The following GALNTL6 variants were observed in gnomAD, a reference collection of about 807,000 sequenced individuals.
The protein encoded by GALNTL6 is polypeptide N-acetylgalactosaminyltransferase-like 6.
GALNTL6 carries 46 observed loss-of-function variants against 73.7 expected under a neutral mutation model. That is an observed-to-expected ratio of 0.62 (90% CI 0.49 to 0.80). GALNTL6 has a LOEUF of 0.80. Among genes scored for constraint, GALNTL6 ranks in the 30% least tolerant of loss-of-function variants. The probability of loss-of-function intolerance (pLI) is 0.00; values close to 1 mark genes in which losing one functional copy is unlikely to be tolerated. For missense variants in GALNTL6, 604 were observed against 755.0 expected (o/e 0.80, Z 2.34); for synonymous variants, 259 against 263.7 (o/e 0.98, Z 0.17).
intron 7 of GALNTL6, among the ~76,000 whole-genome samples, chr4:172,848,433 A>G (rs1184529623): frequency 6.6e-6 from 1 of 152,254 alleles, no homozygotes; most frequent in Non-Finnish European, 1.5e-5. Flanking sequence ...AGCTCTGAGT[A>G]TAATGGAGCT....
At chr4:172,271,953 A>G (rs1232333224) in intron 3 of GALNTL6, among the ~76,000 whole-genome samples, 3 of 149,914 alleles carry the variant, frequency 2.0e-5, no homozygotes, top group Admixed American at 2.0e-4. Flanking sequence ...AAATATATAT[A>G]TATATATTTT....
intron 2 of GALNTL6, among the ~76,000 whole-genome samples, chr4:172,205,325 A>G (rs1008801344): frequency 3.9e-5 from 6 of 152,212 alleles, no homozygotes; most frequent in African/African-American, 7.2e-5. Flanking sequence ...AAAGTCTCCA[A>G]ATGAAAGCCT....
intron 2 of GALNTL6, among the ~76,000 whole-genome samples, chr4:172,102,141 G>C (rs9884790): frequency 0.41 from 61,664 of 152,044 alleles, 13,064 homozygotes; most frequent in African/African-American, 0.5. Flanking sequence ...AAATAATTAA[G>C]GAGGAATTTC....
intron 2 of GALNTL6, among the ~76,000 whole-genome samples, chr4:172,002,874 G>T (rs2110762606): frequency 6.6e-6 from 1 of 152,206 alleles, no homozygotes. Flanking sequence ...CATTCTGGTG[G>T]CAAAAATAAT....
At position 172,556,551 on chromosome 4, in the gene GALNTL6, T is replaced by G. The variant is rs181722401; in HGVS notation, c.553+207862T>G. ...ACATACTTACATAAAAAATTATGAG[T>G]TGGTTTTCTTAAATTCAAATGTAAC... On this transcript the variant is annotated intron_variant, in intron 5 of 12. Transcript: ENST00000506823. Among the ~76,000 whole-genome samples, 836 of 152,002 alleles carry G rather than the reference T, an allele frequency of 5.5e-3. 12 individuals carry two copies. Among genetic ancestry groups the G allele is most frequent in the African/African-American group, 0.019 (784 of 41,526 alleles).
chr4:172,171,662 C>G (rs1734831160), intron 2 of GALNTL6, among the ~76,000 whole-genome samples: 1 of 140,592 alleles, frequency 7.1e-6, no homozygotes, highest in South Asian at 2.2e-4. Context: ...AACTTCGTCT[C>G]TATCAAAAAT....
chr4:172,997,050 G>A (rs1358069814), intron 10 of GALNTL6, among the ~76,000 whole-genome samples: 4 of 152,036 alleles, frequency 2.6e-5, no homozygotes, highest in Non-Finnish European at 5.9e-5. Context: ...TGGCAGCCCC[G>A]AGTGTTAAAG....
At chr4:172,785,892 C>A (rs1227554953) in intron 5 of GALNTL6, among the ~76,000 whole-genome samples, 1 of 152,042 alleles carries the variant, frequency 6.6e-6, no homozygotes, top group Non-Finnish European at 1.5e-5. Context: ...AATTTATTTC[C>A]TTTCCAGTTG....
At chr4:173,027,647 T>C (rs1753287796) in intron 12 of GALNTL6, among the ~76,000 whole-genome samples, 1 of 152,220 alleles carries the variant, frequency 6.6e-6, no homozygotes, top group Non-Finnish European at 1.5e-5. Flanking sequence ...GGGAATAAAA[T>C]AGAATGTTGA....
intron 3 of GALNTL6, among the ~76,000 whole-genome samples, chr4:172,234,300 T>C (rs1347968426): frequency 6.6e-6 from 1 of 152,144 alleles, no homozygotes; most frequent in Non-Finnish European, 1.5e-5. Context: ...CATTGAATAG[T>C]TGGTAATAAT....
intron 7 of GALNTL6, among the ~76,000 whole-genome samples, chr4:172,877,804 G>T (rs1487468929): frequency 2.0e-5 from 3 of 151,940 alleles, no homozygotes; most frequent in Admixed American, 6.6e-5. Flanking sequence ...TGGATAACAG[G>T]TTTGTATTAG....
At chr4:171,931,833 GA>G (rs1310024801) in intron 2 of GALNTL6, among the ~76,000 whole-genome samples, 1 of 152,048 alleles carries the variant, frequency 6.6e-6, no homozygotes, top group Non-Finnish European at 1.5e-5. Flanking sequence ...AGAATGAGCT[GA>G]AAAAACACAC....
intron 5 of GALNTL6, among the ~76,000 whole-genome samples, chr4:172,497,355 G>A (rs920082605): frequency 6.6e-6 from 1 of 152,190 alleles, no homozygotes; most frequent in Non-Finnish European, 1.5e-5. Context: ...TGCTTATTAT[G>A]TTCTTATAAA....
chr4:171,872,078 A>C (rs1489566589), intron 2 of GALNTL6, among the ~76,000 whole-genome samples: 1 of 151,930 alleles, frequency 6.6e-6, no homozygotes, highest in Non-Finnish European at 1.5e-5. Flanking sequence ...TTTTTTTGCA[A>C]CTTTGTTAGA....
intron 5 of GALNTL6, among the ~76,000 whole-genome samples, chr4:172,483,944 G>T (rs879923937): frequency 2.6e-5 from 4 of 152,160 alleles, no homozygotes; most frequent in African/African-American, 7.2e-5. Context: ...ATCTTTAAGG[G>T]ACAATAAGGA....
chr4:172,287,348 G>A (rs1342583151), intron 3 of GALNTL6, among the ~76,000 whole-genome samples: 1 of 152,198 alleles, frequency 6.6e-6, no homozygotes, highest in Admixed American at 6.5e-5. Context: ...CTGTGTGCAT[G>A]CCCACAGTGC....
intron 2 of GALNTL6, among the ~76,000 whole-genome samples, chr4:172,165,501 AT>A (rs1312758224): frequency 1.3e-5 from 2 of 152,134 alleles, no homozygotes; most frequent in Non-Finnish European, 2.9e-5. Context: ...TTACTATGTA[AT>A]TTTGTGATTG....
chr4:172,835,191 G>C (rs778419361), intron 7 of GALNTL6, among the ~76,000 whole-genome samples: 1 of 152,244 alleles, frequency 6.6e-6, no homozygotes, highest in African/African-American at 2.4e-5. Context: ...GCAGTGAAAG[G>C]CTTTCTCTTG....
At chr4:171,862,949 A>G (rs1398212301) in intron 2 of GALNTL6, among the ~76,000 whole-genome samples, 1 of 152,200 alleles carries the variant, frequency 6.6e-6, no homozygotes, top group African/African-American at 2.4e-5. Context: ...CAAAATGCAT[A>G]TTGTGAAGAC....
Sources: gnomAD v4.1 joint callset for allele counts (sites outside exome capture counted in the v4.1 genomes callset) on GRCh38, gnomAD v4.1.1 for gene constraint, MANE v1.5 for transcripts, NCBI Gene and HGNC (gene_info 2026-07-23, HGNC 2026-07-21) for gene names.